The following HECW2 variants were observed in gnomAD, a reference collection of about 807,000 sequenced individuals.
HECW2 encodes HECT, C2 and WW domain containing E3 ubiquitin protein ligase 2, also known as E3 ubiquitin-protein ligase HECW2.
In HECW2, 61 loss-of-function variants were observed where a neutral mutation model predicts 175.2. The ratio of observed to expected loss-of-function variants is 0.35; its 90% confidence interval spans 0.28 to 0.43. HECW2 has a LOEUF of 0.43. Ranked by LOEUF, HECW2 falls within the 20% of genes least tolerant of loss-of-function variation. The pLI is 1.00. For missense variants in HECW2, 1,524 were observed against 2,000.5 expected (o/e 0.76, Z 4.54); for synonymous variants, 671 against 731.0 (o/e 0.92, Z 1.32).
rs369177409 is a variant in HECW2 at position 196,240,418 on chromosome 2, G to A, written c.3764+31C>T. 108 of 1,491,162 alleles carry A rather than the reference G, an allele frequency of 7.2e-5. No individual in the cohort carries two copies. In the African/African-American group the frequency reaches 1.2e-3, roughly 17 times the overall value. 92.4% of individuals were successfully genotyped at this position (1,491,162 alleles called of 1,614,324 possible). A position where few individuals can be genotyped will look rare whatever the true frequency, so the allele number is the denominator to read the frequency against. On this transcript the variant is annotated intron_variant, in intron 21 of 28. Coordinates refer to ENST00000644978, the MANE Select transcript of HECW2 (RefSeq NM_001348768.2). ...CATCCGCCTTGTGGCCACAGCCTAT[G>A]TTCCACAGGCCACTTCTCTGTTCTA...
intron 1 of HECW2, among the ~76,000 whole-genome samples, chr2:196,539,205 C>A (rs1158171944): frequency 1.3e-5 from 2 of 152,166 alleles, no homozygotes; most frequent in Non-Finnish European, 2.9e-5. Context: ...AATCACTTAA[C>A]CTCTCAGGCT....
At chr2:196,276,388 A>G (rs1037342757) in intron 15 of HECW2, among the ~76,000 whole-genome samples, 5 of 152,228 alleles carry the variant, frequency 3.3e-5, no homozygotes, top group African/African-American at 1.2e-4. Context: ...TACTACTACT[A>G]GACCATGAAA....
At chr2:196,433,067 TA>T (rs1286164701) in intron 2 of HECW2, 64 bp downstream of exon 2, 3 of 1,454,510 alleles carry the variant, frequency 2.1e-6, no homozygotes, top group Admixed American at 2.2e-5. Flanking sequence ...TACAGAATGG[TA>T]AAAATGTCAA....
Position 196,274,072 on chromosome 2 carries a change from T to G in HECW2, c.3187A>C (p.Ser1063Arg). Residue 1063 changes from serine (S) to arginine (R), a missense_variant, in exon 16 of 29, where the codon AGT becomes CGT. Physicochemically the swap from Ser to Arg is moderately radical, Grantham distance 110. Transcript: ENST00000644978. Reference protein sequence around the residue: ...AGPPVLPRPSSTFNTVSRPQY... With the variant: ...AGPPVLPRPSRTFNTVSRPQY... ...GGCCTACTGACTGTATTGAATGTAC[T>G]GGATGGCCTGGGAAGAACTGGTGGT... The G allele has an allele frequency of 1.2e-6, 2 of 1,614,172 alleles. No individual in the cohort carries two copies. Among genetic ancestry groups the G allele is most frequent in the Non-Finnish European group, 1.7e-6 (2 of 1,179,986 alleles).
At chr2:196,483,094 TAAA>T (rs370614949) in intron 1 of HECW2, among the ~76,000 whole-genome samples, 25 of 110,396 alleles carry the variant, frequency 2.3e-4, no homozygotes, top group African/African-American at 7.3e-4. Flanking sequence ...TTCATAGTTG[TAAA>T]AAAAAAAAAA....
rs1278545916 is a variant in HECW2 at position 196,306,512 on chromosome 2, G to T, written c.2790C>A (p.Phe930Leu). ...PPVKFLISPE[F>L]FTVLHSNPSA... ...CAGGGTTAGAATGCAGCACGGTGAA[G>T]AACTCTGGGCTGATGAGGAACTTCA... is the stretch of plus-strand genomic sequence containing the variant. The change falls in exon 13 of 29, where the codon TTC becomes TTA. Residue 930 changes from phenylalanine (F) to leucine (L), a missense_variant. Around this residue, in one of 11 missense-constraint regions of HECW2, gnomAD observed 105 missense variants for 98.1 expected, o/e 1.07. Coordinates refer to ENST00000644978, the MANE Select transcript of HECW2 (RefSeq NM_001348768.2). The T allele has an allele frequency of 6.2e-6, 10 of 1,611,120 alleles. No homozygotes were observed. Among genetic ancestry groups the T allele is most frequent in the Non-Finnish European group, 8.5e-6 (10 of 1,178,688 alleles).
intron 21 of HECW2, among the ~76,000 whole-genome samples, chr2:196,232,164 G>A (rs1688083991): frequency 6.6e-6 from 1 of 152,156 alleles, no homozygotes; most frequent in South Asian, 2.1e-4. Context: ...GCTGAAACAT[G>A]AGGCAAATAC....
At chr2:196,343,841 A>G (rs1448582663) in intron 2 of HECW2, 77 bp from the exon 3 acceptor site, 1 of 911,116 alleles carries the variant, frequency 1.1e-6, no homozygotes, top group African/African-American at 1.7e-5. Flanking sequence ...CATAAGTTCT[A>G]AAATAAATGG....
chr2:196,567,445 G>C (rs539705610), intron 1 of HECW2, among the ~76,000 whole-genome samples: 4 of 152,174 alleles, frequency 2.6e-5, no homozygotes, highest in Non-Finnish European at 5.9e-5. Context: ...TGGTTTGGCA[G>C]TTGGGTCCCT....
Position 196,219,964 on chromosome 2 carries a change from T to G in HECW2, c.4408+75A>C, listed in dbSNP as rs376196967. ...TCCAAGTGCTGTTGCCTGTCCTATA[T>G]TCAGTTGGCAAGCTGAACCATGCCT... On this transcript the variant is annotated intron_variant, in intron 26 of 28. Transcript: ENST00000644978. The G allele has an allele frequency of 1.7e-3, 1,654 of 948,636 alleles. 37 individuals carry two copies. In the South Asian group the frequency reaches 0.021, roughly 12 times the overall value. 58.8% of individuals were successfully genotyped at this position (948,636 alleles called of 1,614,324 possible). A position where few individuals can be genotyped will look rare whatever the true frequency, so the allele number is the denominator to read the frequency against.
chr2:196,232,645 A>G (rs1688099675), intron 21 of HECW2, among the ~76,000 whole-genome samples: 2 of 152,238 alleles, frequency 1.3e-5, no homozygotes, highest in Non-Finnish European at 2.9e-5. Flanking sequence ...GAAATCATCA[A>G]GTAAATTATG....
chr2:196,323,904 TTTTG>T (rs1472271514), intron 6 of HECW2, among the ~76,000 whole-genome samples: 3 of 107,388 alleles, frequency 2.8e-5, no homozygotes, highest in African/African-American at 1.4e-4. Context: ...TAAGAGTTTT[TTTTG>T]TTTTTTGTTT....
chr2:196,242,420 T>G (rs1320886618), intron 19 of HECW2: 7 of 559,932 alleles, frequency 1.3e-5, no homozygotes, highest in Non-Finnish European at 1.6e-5. Context: ...AGAATAAAAA[T>G]TCTGTTTGAA....
At chr2:196,454,390 T>C (rs1696440827) in intron 1 of HECW2, among the ~76,000 whole-genome samples, 1 of 152,226 alleles carries the variant, frequency 6.6e-6, no homozygotes, top group African/African-American at 2.4e-5. Context: ...GCCTTTTTAA[T>C]AGCTATTTAA....
chr2:196,500,428 A>T (rs1413020981), intron 1 of HECW2, among the ~76,000 whole-genome samples: 1 of 152,258 alleles, frequency 6.6e-6, no homozygotes, highest in African/African-American at 2.4e-5. Context: ...GGATGTGAGC[A>T]GTTCAAATAA....
intron 1 of HECW2, among the ~76,000 whole-genome samples, chr2:196,518,547 C>T (rs977616487): frequency 2.7e-5 from 4 of 147,922 alleles, no homozygotes; most frequent in South Asian, 2.2e-4. Context: ...TCCAGCTACT[C>T]GGGAGGCGGA....
At chr2:196,426,791 C>A (rs1468028694) in intron 2 of HECW2, among the ~76,000 whole-genome samples, 1 of 152,026 alleles carries the variant, frequency 6.6e-6, no homozygotes, top group African/African-American at 2.4e-5. Context: ...TCATTCTAGA[C>A]CTTAGTTATT....
At chr2:196,327,433 A>G (rs993054424) in intron 5 of HECW2, among the ~76,000 whole-genome samples, 11 of 152,240 alleles carry the variant, frequency 7.2e-5, no homozygotes, top group Non-Finnish European at 1.2e-4. Flanking sequence ...TAGGCCAAAG[A>G]AGGACTCAAA....
chr2:196,384,575 C>G (rs928405857), intron 2 of HECW2, among the ~76,000 whole-genome samples: 1 of 151,950 alleles, frequency 6.6e-6, no homozygotes, highest in Non-Finnish European at 1.5e-5. Context: ...GAGCAAGACC[C>G]TGTCTCCAAA....
Sources: allele counts gnomAD v4.1 joint callset (sites outside exome capture counted in the v4.1 genomes callset), GRCh38; gene constraint gnomAD v4.1.1; regional missense constraint gnomAD v4.1.1; transcripts MANE v1.5; gene names NCBI Gene and HGNC (gene_info 2026-07-23, HGNC 2026-07-21).